Variants in CRACDL observed in about 807,000 individuals in gnomAD.
CRACDL encodes the protein CRACD-like protein.
CRACDL carries 26 observed loss-of-function variants against 70.6 expected under a neutral mutation model. The ratio of observed to expected loss-of-function variants is 0.37; its 90% CI spans 0.27 to 0.51. The LOEUF is 0.51. Among genes scored for constraint, CRACDL ranks in the 20% least tolerant of loss-of-function variants. The pLI, the probability that CRACDL is intolerant of heterozygous loss-of-function variation, is 0.94. For missense variants in CRACDL, 1,283 were observed against 1,376.9 expected (o/e 0.93, Z 1.08); for synonymous variants, 618 against 615.2 (o/e 1.00, Z -0.07).
chr2:98,811,294 G>A (rs1287036926), intron 7 of CRACDL, among the ~76,000 whole-genome samples: 1 of 151,582 alleles, frequency 6.6e-6, no homozygotes, highest in African/African-American at 2.4e-5. Flanking sequence ...GGCGGATCAC[G>A]AGGTCAGGAG....
intron 1 of CRACDL, among the ~76,000 whole-genome samples, chr2:98,893,915 G>C (rs1380202797): frequency 1.3e-5 from 2 of 152,174 alleles, no homozygotes; most frequent in Non-Finnish European, 2.9e-5. Context: ...GAGACCCTGG[G>C]TGCCACCCCC....
intron 7 of CRACDL, among the ~76,000 whole-genome samples, chr2:98,798,904 G>A (rs1033020652): frequency 2.6e-5 from 4 of 151,970 alleles, no homozygotes; most frequent in East Asian, 1.9e-4. Context: ...GGCTGGTCTC[G>A]AACTCCTGAG....
chr2:98,840,282 C>T (rs940856857), intron 2 of CRACDL, among the ~76,000 whole-genome samples: 2 of 151,948 alleles, frequency 1.3e-5, no homozygotes, highest in Admixed American at 6.6e-5. Flanking sequence ...TAGGAAAGTA[C>T]GTCTTCTTCA....
intron 1 of CRACDL, among the ~76,000 whole-genome samples, chr2:98,861,544 A>G (rs1706937358): frequency 6.6e-6 from 1 of 152,202 alleles, no homozygotes; most frequent in African/African-American, 2.4e-5. Context: ...GAAACGTAAA[A>G]TTACCATTCA....
chr2:98,876,253 A>G (rs963967872), intron 1 of CRACDL, among the ~76,000 whole-genome samples: 9 of 152,254 alleles, frequency 5.9e-5, no homozygotes, highest in East Asian at 1.9e-4. Flanking sequence ...AATCACCTTG[A>G]AAGTTTAGTA....
chr2:98,912,355 G>A (rs72957672), intron 1 of CRACDL, among the ~76,000 whole-genome samples: 1,570 of 152,310 alleles, frequency 0.01, 33 homozygotes, highest in East Asian at 0.074. Context: ...TGAGCCAGCC[G>A]TCTCTGCTAG....
At chr2:98,866,391 T>C (rs775177760) in intron 1 of CRACDL, among the ~76,000 whole-genome samples, 2 of 151,734 alleles carry the variant, frequency 1.3e-5, no homozygotes. Context: ...TCAATAAATA[T>C]TGTTAAATGA....
chr2:98,867,964 G>C (rs1296289237), intron 1 of CRACDL, among the ~76,000 whole-genome samples: 1 of 152,070 alleles, frequency 6.6e-6, no homozygotes, highest in Non-Finnish European at 1.5e-5. Flanking sequence ...TTTTGTTTTT[G>C]TTTTGTTTTT....
rs1462482568 is a variant in CRACDL at position 98,823,526 on chromosome 2, A to G, written c.747T>C (p.Ser249=). The change falls in exon 7 of 10, where the codon TCT becomes TCC. Residue 249 remains serine, a synonymous_variant. Transcript: ENST00000397899. The surrounding 1 kb of genome is among the most constrained non-coding windows in gnomAD (Gnocchi z 4.0). ...TGCACGTCAGGTCGCTCAGGGATTC[A>G]GACTGAGCGCGCTGAGAGAAATAAA... ...KMRRLSSRAQ[S]ESLSDLTCTP... 2 of 1,584,946 alleles carry G rather than the reference A, an allele frequency of 1.3e-6. No homozygotes were observed. The highest frequency in any genetic ancestry group is 1.7e-6 in the Non-Finnish European group (2 of 1,173,394).
chr2:98,845,007 TAG>T (rs1706191223), intron 2 of CRACDL, among the ~76,000 whole-genome samples: 1 of 152,182 alleles, frequency 6.6e-6, no homozygotes. Context: ...CCCTTTATTG[TAG>T]AGAGTGTCTT....
chr2:98,917,650 A>T (rs6419564), intron 1 of CRACDL, among the ~76,000 whole-genome samples: 77,592 of 152,122 alleles, frequency 0.51, 21,415 homozygotes, highest in African/African-American at 0.71. Context: ...ATTCCTTTTT[A>T]AAAATGTGTA....
At chr2:98,820,073 G>A (rs1000982696) in intron 7 of CRACDL, among the ~76,000 whole-genome samples, 8 of 151,356 alleles carry the variant, frequency 5.3e-5, no homozygotes, top group Admixed American at 2.6e-4. Flanking sequence ...CTGCCTCGGC[G>A]TCCCAAAGTG....
At chr2:98,845,285 C>T (rs1706210753) in intron 2 of CRACDL, among the ~76,000 whole-genome samples, 1 of 151,562 alleles carries the variant, frequency 6.6e-6, no homozygotes, top group South Asian at 2.1e-4. Context: ...TAGCATTAAC[C>T]TCCTAGGCTC....
intron 1 of CRACDL, among the ~76,000 whole-genome samples, chr2:98,850,517 T>C (rs1339593763): frequency 6.6e-6 from 1 of 152,222 alleles, no homozygotes; most frequent in Non-Finnish European, 1.5e-5. Context: ...AAGACAGTGC[T>C]TCTCACTGGA....
rs1030161761 is a variant in CRACDL, at chr2:98,827,536, C to T, written c.541-367G>A. Among the ~76,000 whole-genome samples the T allele has an allele frequency of 1.6e-4, 24 of 152,228 alleles. 2 individuals are homozygous for T. Among genetic ancestry groups the T allele is most frequent in the African/African-American group, 5.3e-4 (22 of 41,454 alleles). On this transcript the variant is annotated intron_variant, in intron 5 of 9. Coordinates refer to ENST00000397899, the MANE Select transcript of CRACDL (RefSeq NM_207362.3). ...TAAACTCCTGACCTTGTGATCCGCC[C>T]GCCTTGGCCTCCCAAAGTGCTGGGA...
At chr2:98,828,637 T>C (rs1354753088) in intron 5 of CRACDL, among the ~76,000 whole-genome samples, 1 of 152,214 alleles carries the variant, frequency 6.6e-6, no homozygotes, top group Non-Finnish European at 1.5e-5. Context: ...TTCTTGTTCA[T>C]GTGAAGGTCT....
At chr2:98,867,318 A>AT (rs1707185482) in intron 1 of CRACDL, among the ~76,000 whole-genome samples, 1 of 152,236 alleles carries the variant, frequency 6.6e-6, no homozygotes, top group Admixed American at 6.5e-5. Flanking sequence ...CTAGGCATGC[A>AT]TACAGCTATC....
chr2:98,926,018 A>G (rs1373002482), intron 1 of CRACDL, among the ~76,000 whole-genome samples: 1 of 152,136 alleles, frequency 6.6e-6, no homozygotes, highest in African/African-American at 2.4e-5. Flanking sequence ...TTTTTTTACA[A>G]TTTTTAAGAT....
chr2:98,919,865 A>C (rs1323251287), intron 1 of CRACDL, among the ~76,000 whole-genome samples: 1 of 152,178 alleles, frequency 6.6e-6, no homozygotes, highest in African/African-American at 2.4e-5. Context: ...CAATCTTCCC[A>C]CATCAGCCTT....
Sources: gnomAD v4.1 joint callset for allele counts (sites outside exome capture counted in the v4.1 genomes callset) on GRCh38, gnomAD v4.1.1 for gene constraint, Gnocchi (gnomAD v3.1) non-coding constraint, MANE v1.5 for transcripts, NCBI Gene and HGNC (gene_info 2026-07-23, HGNC 2026-07-21) for gene names.